BACH2: variants seen among roughly 807,000 people sequenced by gnomAD.
The protein encoded by BACH2 is BACH transcriptional regulator 2, also known as transcription regulator protein BACH2.
A neutral mutation model predicts 61.8 loss-of-function variants in BACH2; 5 were observed. The ratio of observed to expected loss-of-function variants is 0.08; its 90% CI spans 0.04 to 0.17. The LOEUF (loss-of-function observed/expected upper bound fraction) is 0.17, where lower values mean the gene tolerates loss of function less well. BACH2 is among the 10% of genes least tolerant of loss of function. The pLI is 1.00. For synonymous variants in BACH2, 446 were observed against 440.1 expected (o/e 1.01, Z -0.17); for missense variants, 824 against 1,091.1 (o/e 0.76, Z 3.45).
intron 4 of BACH2, among the ~76,000 whole-genome samples, chr6:90,092,178 A>G (rs77204111): frequency 0.046 from 6,950 of 151,548 alleles, 504 homozygotes; most frequent in African/African-American, 0.16. Context: ...TTGCAAAGCT[A>G]ATTACAAATT....
intron 5 of BACH2, among the ~76,000 whole-genome samples, chr6:90,088,001 A>G (rs148357044): frequency 9.0e-4 from 136 of 151,072 alleles, no homozygotes; most frequent in African/African-American, 3.1e-3. Flanking sequence ...GTACCTATTA[A>G]CTATCCCACC....
chr6:90,013,904 G>A (rs1327421347), intron 5 of BACH2, among the ~76,000 whole-genome samples: 14 of 151,744 alleles, frequency 9.2e-5, no homozygotes, highest in African/African-American at 3.4e-4. Flanking sequence ...TCTGCCTCCT[G>A]AGTAGCTAGG....
rs531951783 is a variant in BACH2 at position 90,001,481 on chromosome 6, G to A, written c.243+7121C>T. 3.3e-5 allele frequency: 5 copies of A among 152,354 alleles called. No individual in the cohort carries two copies. In the Middle Eastern group the frequency reaches 0.014, roughly 415 times the overall value. 9.4% of individuals were successfully genotyped at this position (152,354 alleles called of 1,614,324 possible). A position where few individuals can be genotyped will look rare whatever the true frequency, so the allele number is the denominator to read the frequency against. On this transcript the variant is annotated intron_variant, in intron 6 of 8. Coordinates refer to ENST00000257749, the MANE Select transcript of BACH2 (RefSeq NM_021813.4). The stretch of plus-strand genomic sequence containing the variant: ...ACCTGGCGATGTTGGGGTGACAGAT[G>A]TTGCAGCCAGATTGCCTTCACATCC...
In BACH2 at chr6:89,926,645, T is replaced by C. The variant is rs1236091312; in HGVS notation, c.*5763A>G. Reference sequence around the variant, plus strand: ...AAAACTTTTTTTGCACAATAGTGTATTTACAATGAGTAAATGAAGTTTCAA... The same window carrying C: ...AAAACTTTTTTTGCACAATAGTGTACTTACAATGAGTAAATGAAGTTTCAA... On this transcript the variant is annotated 3_prime_UTR_variant, in exon 9 of 9. Coordinates refer to ENST00000257749, the MANE Select transcript of BACH2 (RefSeq NM_021813.4). 6.5e-6 allele frequency: 1 copy of C among 152,788 alleles called. No homozygotes were observed. The highest frequency in any genetic ancestry group is 1.5e-5 in the Non-Finnish European group (1 of 68,038). 9.5% of individuals were successfully genotyped at this position (152,788 alleles called of 1,614,324 possible). A position where few individuals can be genotyped will look rare whatever the true frequency, so the allele number is the denominator to read the frequency against.
chr6:90,258,647 C>T (rs1320832970), intron 2 of BACH2, among the ~76,000 whole-genome samples: 2 of 152,094 alleles, frequency 1.3e-5, no homozygotes, highest in Non-Finnish European at 2.9e-5. Flanking sequence ...CTGTATATTG[C>T]TTTGGGTACT....
chr6:90,108,305 T>C (rs888954097), intron 4 of BACH2, among the ~76,000 whole-genome samples: 1 of 152,176 alleles, frequency 6.6e-6, no homozygotes, highest in African/African-American at 2.4e-5. Context: ...CCTGGGAAGG[T>C]GGACAGCATG....
chr6:90,183,172 G>A (rs1478671968), intron 4 of BACH2, among the ~76,000 whole-genome samples: 1 of 152,186 alleles, frequency 6.6e-6, no homozygotes, highest in Non-Finnish European at 1.5e-5. Flanking sequence ...CCTCCTCAGT[G>A]TGAGATTATC....
At chr6:90,195,225 T>C (rs1768715804) in intron 4 of BACH2, among the ~76,000 whole-genome samples, 1 of 150,194 alleles carries the variant, frequency 6.7e-6, no homozygotes, top group Admixed American at 6.6e-5. Context: ...CTCTCCTCCT[T>C]GTCTCTTTGT....
At chr6:89,942,587 C>A (rs1182480755) in intron 7 of BACH2, among the ~76,000 whole-genome samples, 1 of 152,154 alleles carries the variant, frequency 6.6e-6, no homozygotes, top group Non-Finnish European at 1.5e-5. Context: ...GGTGAAGAGT[C>A]CTGTGGACTG....
intron 8 of BACH2, among the ~76,000 whole-genome samples, chr6:89,935,501 G>C (rs1374752111): frequency 6.6e-6 from 1 of 152,186 alleles, no homozygotes; most frequent in Non-Finnish European, 1.5e-5. Context: ...GACAGCAGCA[G>C]GGGAAGGCAT....
intron 1 of BACH2, among the ~76,000 whole-genome samples, chr6:90,278,605 C>A (rs1335083607): frequency 2.0e-5 from 3 of 152,280 alleles, no homozygotes; most frequent in Admixed American, 2.0e-4. Context: ...TATTTTAATC[C>A]CCCTTCAATG....
chr6:90,259,664 T>G (rs896993991), intron 2 of BACH2, among the ~76,000 whole-genome samples: 5 of 152,202 alleles, frequency 3.3e-5, no homozygotes, highest in African/African-American at 1.2e-4. Flanking sequence ...TCTTTGAATG[T>G]CTGGTAGAAC....
intron 4 of BACH2, among the ~76,000 whole-genome samples, chr6:90,103,020 TATA>T (rs1473051249): frequency 1.2e-4 from 5 of 43,380 alleles, no homozygotes; most frequent in Non-Finnish European, 9.1e-5. Context: ...TATATATATA[TATA>T]TATATATTTT....
intron 6 of BACH2, among the ~76,000 whole-genome samples, chr6:89,997,234 T>G (rs1484842068): frequency 6.6e-6 from 1 of 152,208 alleles, no homozygotes; most frequent in African/African-American, 2.4e-5. Flanking sequence ...AAGACTTTGT[T>G]AAACAGAACT....
intron 1 of BACH2, among the ~76,000 whole-genome samples, chr6:90,272,452 C>G (rs1031013357): frequency 6.6e-6 from 1 of 152,058 alleles, no homozygotes; most frequent in East Asian, 1.9e-4. Flanking sequence ...CCCAATCATC[C>G]CCATTCCCTC....
chr6:90,094,104 G>T (rs901499516), intron 4 of BACH2, among the ~76,000 whole-genome samples: 2 of 152,196 alleles, frequency 1.3e-5, no homozygotes, highest in Non-Finnish European at 2.9e-5. Flanking sequence ...CCGAGGAACC[G>T]CATTCTGAAG....
chr6:89,964,755 T>G (rs1475872936), intron 6 of BACH2, among the ~76,000 whole-genome samples: 1 of 151,718 alleles, frequency 6.6e-6, no homozygotes, highest in Non-Finnish European at 1.5e-5. Flanking sequence ...ACATGGAACC[T>G]TTAATTGTCC....
intron 4 of BACH2, among the ~76,000 whole-genome samples, chr6:90,147,920 G>C (rs550792633): frequency 6.6e-6 from 1 of 151,988 alleles, no homozygotes; most frequent in Non-Finnish European, 1.5e-5. Context: ...GAACCTACAT[G>C]CCAAATTAAA....
intron 4 of BACH2, among the ~76,000 whole-genome samples, chr6:90,158,465 T>C (rs574597411): frequency 5.3e-5 from 8 of 150,342 alleles, no homozygotes; most frequent in South Asian, 2.1e-4. Context: ...AGGAGCGGGG[T>C]TGAAAGATGA....
Sources: gnomAD v4.1 joint callset for allele counts (sites outside exome capture counted in the v4.1 genomes callset) on GRCh38, gnomAD v4.1.1 for gene constraint, MANE v1.5 for transcripts, NCBI Gene and HGNC (gene_info 2026-07-23, HGNC 2026-07-21) for gene names.